C2orf66: variants seen among roughly 807,000 people sequenced by gnomAD.
The protein encoded by C2orf66 is chromosome 2 open reading frame 66, also known as uncharacterized protein C2orf66.
Under a neutral mutation model 7.0 loss-of-function variants are expected in C2orf66, and 6 were observed. That is an observed-to-expected ratio of 0.86 (90% CI 0.47 to 1.69). C2orf66 has a LOEUF of 1.69. Ranked by LOEUF, C2orf66 falls within the 40% of genes most tolerant of loss-of-function variation. C2orf66 has a pLI of 0.01. For missense variants in C2orf66, 107 were observed against 112.0 expected (o/e 0.96, Z 0.20); for synonymous variants, 38 against 43.8 (o/e 0.87, Z 0.52).
At chr2:196,821,501 GCTT>G in the C2orf66 span, among the ~76,000 whole-genome samples, 1 of 152,176 alleles carries the variant, frequency 6.6e-6, no homozygotes, top group Non-Finnish European at 1.5e-5. Context: ...GGAAGGCTGA[GCTT>G]CTTCTGTCAT....
upstream of C2orf66, among the ~76,000 whole-genome samples, chr2:196,810,885 A>G (rs889506149): frequency 1.3e-5 from 2 of 152,260 alleles, no homozygotes; most frequent in South Asian, 4.1e-4. Context: ...AAAATAGAGT[A>G]GTGGGCAAGA....
chr2:196,813,888 G>A (rs992858324), upstream of C2orf66, among the ~76,000 whole-genome samples: 9 of 152,170 alleles, frequency 5.9e-5, no homozygotes, highest in African/African-American at 1.9e-4. Flanking sequence ...TCTCACACCG[G>A]TTAGAATGGC....
chr2:196,824,102 A>G, the C2orf66 span, among the ~76,000 whole-genome samples: 2 of 152,196 alleles, frequency 1.3e-5, no homozygotes, highest in African/African-American at 2.4e-5. Flanking sequence ...TTTTGAGAGT[A>G]GGAAGTGAAC....
Position 196,809,237 on chromosome 2 carries a change from T to C in C2orf66, c.100A>G (p.Asn34Asp). The C allele has an allele frequency of 1.2e-6, 2 of 1,614,052 alleles. No homozygotes were observed. Among genetic ancestry groups the C allele is most frequent in the Non-Finnish European group, 1.7e-6 (2 of 1,179,956 alleles). The change falls in exon 1 of 3, where the codon AAC becomes GAC. Residue 34 changes from asparagine (N) to aspartate (D), a missense_variant. Asn to Asp is a conservative substitution (Grantham distance 23). Transcript: ENST00000342506. ...VRNEDKWKPL[N>D]NPRNRDLFFR... The stretch of plus-strand genomic sequence containing the variant: ...ACCAGATCTCTGTTTCTGGGGTTGT[T>C]GAGTGGCTTCCATTTGTCCTCATTT...
At chr2:196,829,757 C>T in the C2orf66 span, among the ~76,000 whole-genome samples, 6 of 151,568 alleles carry the variant, frequency 4.0e-5, no homozygotes, top group Non-Finnish European at 7.4e-5. Flanking sequence ...ATTAGACGGG[C>T]GTGGTGGCGG....
chr2:196,808,778 C>A (rs1699841985), intron 1 of C2orf66, among the ~76,000 whole-genome samples: 1 of 152,070 alleles, frequency 6.6e-6, no homozygotes, highest in African/African-American at 2.4e-5. Flanking sequence ...GATACCCATG[C>A]AGGGTCAACT....
At chr2:196,822,033 G>C in the C2orf66 span, among the ~76,000 whole-genome samples, 2 of 130,170 alleles carry the variant, frequency 1.5e-5, no homozygotes, top group East Asian at 5.2e-4. Context: ...TCCTGCCTCA[G>C]CTTCCCGAGT....
the C2orf66 span, among the ~76,000 whole-genome samples, chr2:196,823,137 G>A: frequency 1.3e-5 from 2 of 152,094 alleles, no homozygotes; most frequent in Admixed American, 1.3e-4. Flanking sequence ...AGTAATGATG[G>A]TCTAAACTAG....
chr2:196,824,780 A>C, the C2orf66 span, among the ~76,000 whole-genome samples: 2 of 152,214 alleles, frequency 1.3e-5, no homozygotes, highest in Non-Finnish European at 2.9e-5. Context: ...ATATAAAGGC[A>C]ACCTCACTTC....
the C2orf66 span, among the ~76,000 whole-genome samples, chr2:196,818,952 TA>T: frequency 1.2e-4 from 18 of 152,134 alleles, no homozygotes; most frequent in African/African-American, 4.3e-4. Context: ...AAATAGAGTC[TA>T]AACTCTTGAT....
the C2orf66 span, among the ~76,000 whole-genome samples, chr2:196,819,424 T>A: frequency 6.6e-6 from 1 of 152,204 alleles, no homozygotes; most frequent in African/African-American, 2.4e-5. Flanking sequence ...AGGGAGAAGA[T>A]GACAGTCTGC....
In C2orf66 at chr2:196,807,407, A is replaced by G; in HGVS notation, c.*19+17T>C. ...TTGTATGTTTGGACAGATCCAGAATAAAGGGCCAACTTTTACCTGAGCTCA... is the reference window on the plus strand; with the variant it reads ...TTGTATGTTTGGACAGATCCAGAATGAAGGGCCAACTTTTACCTGAGCTCA... On this transcript the variant is annotated intron_variant, in intron 2 of 2. Coordinates refer to ENST00000342506, the MANE Select transcript of C2orf66 (RefSeq NM_213608.3). 1 of 1,518,776 alleles carries G rather than the reference A, an allele frequency of 6.6e-7. No homozygotes were observed. Among genetic ancestry groups the G allele is most frequent in the South Asian group, 1.2e-5 (1 of 84,018 alleles). The allele number at this position is 1,518,776 out of a possible 1,614,324, so 94.1% of individuals were successfully genotyped here.
At chr2:196,820,432 A>G in the C2orf66 span, among the ~76,000 whole-genome samples, 1 of 152,206 alleles carries the variant, frequency 6.6e-6, no homozygotes, top group African/African-American at 2.4e-5. Context: ...CTAATTATTT[A>G]GATTTCTGGC....
the C2orf66 span, among the ~76,000 whole-genome samples, chr2:196,825,104 T>C: frequency 6.6e-6 from 1 of 151,428 alleles, no homozygotes; most frequent in East Asian, 1.9e-4. Context: ...CATGGCAGCA[T>C]GTGCCTGTAG....
chr2:196,821,273 C>A, the C2orf66 span, among the ~76,000 whole-genome samples: 13 of 152,148 alleles, frequency 8.5e-5, no homozygotes, highest in Non-Finnish European at 1.6e-4. Flanking sequence ...GACTTTCTGG[C>A]CTTCAAAACT....
chr2:196,821,675 A>G, the C2orf66 span, among the ~76,000 whole-genome samples: 474 of 152,306 alleles, frequency 3.1e-3, 10 homozygotes, highest in Non-Finnish European at 9.7e-4. Flanking sequence ...CATGAGTCAC[A>G]TAATTTTGTA....
chr2:196,826,710 T>C, the C2orf66 span, among the ~76,000 whole-genome samples: 114 of 152,130 alleles, frequency 7.5e-4, no homozygotes, highest in African/African-American at 2.7e-3. Context: ...GTTAAGATGA[T>C]AAACTGTGTT....
chr2:196,806,907 T>G (rs946170005), intron 2 of C2orf66, among the ~76,000 whole-genome samples: 7 of 152,148 alleles, frequency 4.6e-5, no homozygotes, highest in Non-Finnish European at 8.8e-5. Flanking sequence ...TTTTTAATTT[T>G]TTTCTATGAG....
At chr2:196,825,221 T>TAA in the C2orf66 span, among the ~76,000 whole-genome samples, 1 of 73,476 alleles carries the variant, frequency 1.4e-5, no homozygotes, top group African/African-American at 5.4e-5. Flanking sequence ...AGACTCTGTC[T>TAA]CAAAAAAAAA....
Sources: allele counts gnomAD v4.1 joint callset (sites outside exome capture counted in the v4.1 genomes callset), GRCh38; gene constraint gnomAD v4.1.1; transcripts MANE v1.5; gene names NCBI Gene and HGNC (gene_info 2026-07-23, HGNC 2026-07-21).